KCNMA1: variants seen among roughly 807,000 people sequenced by gnomAD.
KCNMA1 encodes potassium calcium-activated channel subfamily M alpha 1.
In KCNMA1, 29 loss-of-function variants were observed where a neutral mutation model predicts 140.0. The observed-to-expected ratio is 0.21, with a 90% CI of 0.15 to 0.28. The LOEUF is 0.28. Among genes scored for constraint, KCNMA1 ranks in the 10% least tolerant of loss-of-function variants. The pLI, the probability that KCNMA1 is intolerant of heterozygous loss-of-function variation, is 1.00. For synonymous variants in KCNMA1, 612 were observed against 611.9 expected (o/e 1.00, Z 0.00); for missense variants, 880 against 1,602.2 (o/e 0.55, Z 7.70).
intron 23 of KCNMA1, among the ~76,000 whole-genome samples, chr10:76,935,050 G>C (rs2060199680): frequency 6.6e-6 from 1 of 152,200 alleles, no homozygotes. Context: ...CAGTCATACT[G>C]TTCACAGAGA....
chr10:77,622,891 G>A (rs937866962), intron 1 of KCNMA1, among the ~76,000 whole-genome samples: 1 of 152,182 alleles, frequency 6.6e-6, no homozygotes, highest in Non-Finnish European at 1.5e-5. Flanking sequence ...AGGAATCATT[G>A]CTGTTTTCTA....
intron 1 of KCNMA1, among the ~76,000 whole-genome samples, chr10:77,625,389 G>A (rs537876513): frequency 1.3e-5 from 2 of 151,838 alleles, no homozygotes; most frequent in Admixed American, 6.6e-5. Flanking sequence ...AAAAAAAAAA[G>A]TACCATCTCA....
rs994287094 is a variant in KCNMA1, at chr10:77,332,285, G to A, written c.540+71577C>T. On this transcript the variant is annotated intron_variant, in intron 2 of 27. Transcript: ENST00000286628. The stretch of plus-strand genomic sequence containing the variant: ...GTTGCTCTGAGTTAAGGAAACATTT[G>A]AGCAAAAAATCCATTTGTAAACAGA... Among the ~76,000 whole-genome samples the A allele has an allele frequency of 2.0e-5, 3 of 152,130 alleles. No homozygotes were observed. In the East Asian group the frequency reaches 5.8e-4, roughly 29 times the overall value.
chr10:77,313,563 G>A (rs1055821845), intron 2 of KCNMA1, among the ~76,000 whole-genome samples: 14 of 152,202 alleles, frequency 9.2e-5, no homozygotes, highest in Admixed American at 7.2e-4. Context: ...GATGTGTCAT[G>A]CATGGGACCT....
intron 2 of KCNMA1, among the ~76,000 whole-genome samples, chr10:77,286,251 C>T (rs2031098042): frequency 6.6e-6 from 1 of 151,960 alleles, no homozygotes; most frequent in African/African-American, 2.4e-5. Flanking sequence ...AAAAGAAAAC[C>T]CAGATCATTT....
rs534510544 is a variant in KCNMA1, at chr10:77,405,747, G to A, written c.379-1724C>T. Among the ~76,000 whole-genome samples, 12 of 152,322 alleles carry A rather than the reference G, an allele frequency of 7.9e-5. No individual in the cohort carries two copies. The East Asian group carries it at 2.3e-3, about 29-fold the overall frequency. ...TTAATTCCCAAGGCAAAGCCACACT[G>A]GGGATCATTGTGATTTGGAGTAAGG... On this transcript the variant is annotated intron_variant, in intron 1 of 27. Transcript: ENST00000286628.
chr10:77,561,564 A>G (rs2066407431), intron 1 of KCNMA1, among the ~76,000 whole-genome samples: 1 of 152,214 alleles, frequency 6.6e-6, no homozygotes, highest in Non-Finnish European at 1.5e-5. Context: ...TTTCTGGCGC[A>G]GAAGCAGAGA....
chr10:77,600,977 T>G (rs1567798581), intron 1 of KCNMA1, among the ~76,000 whole-genome samples: 6 of 152,176 alleles, frequency 3.9e-5, no homozygotes, highest in Non-Finnish European at 8.8e-5. Context: ...TAATGGGCAC[T>G]TAATGATTCT....
chr10:77,420,147 G>T (rs1476824642), intron 1 of KCNMA1, among the ~76,000 whole-genome samples: 1 of 152,194 alleles, frequency 6.6e-6, no homozygotes, highest in Non-Finnish European at 1.5e-5. Context: ...ACTGCTGAGG[G>T]TAACTCATGG....
chr10:76,937,553 C>T (rs1212994195), intron 23 of KCNMA1, among the ~76,000 whole-genome samples: 1 of 152,170 alleles, frequency 6.6e-6, no homozygotes, highest in Non-Finnish European at 1.5e-5. Context: ...GATTTCATCC[C>T]AGAGTTCCAC....
chr10:76,961,328 T>G (rs527997910), intron 20 of KCNMA1, among the ~76,000 whole-genome samples: 4 of 152,212 alleles, frequency 2.6e-5, no homozygotes, highest in African/African-American at 9.6e-5. Flanking sequence ...AAGTGGAGCC[T>G]GAACATGTGA....
chr10:77,083,005 C>T (rs1218326198), intron 12 of KCNMA1, among the ~76,000 whole-genome samples: 1 of 152,178 alleles, frequency 6.6e-6, no homozygotes, highest in African/African-American at 2.4e-5. Flanking sequence ...AAAGGCAATG[C>T]AAACATTGTC....
intron 19 of KCNMA1, among the ~76,000 whole-genome samples, chr10:76,992,799 T>C (rs575853136): frequency 6.6e-6 from 1 of 152,350 alleles, no homozygotes; most frequent in East Asian, 1.9e-4. Flanking sequence ...AAATTGTGCA[T>C]GATACTTAGA....
At chr10:77,101,176 A>G (rs2253072) in intron 9 of KCNMA1, among the ~76,000 whole-genome samples, 128,251 of 152,108 alleles carry the variant, frequency 0.84, 54,284 homozygotes, top group African/African-American at 0.91. Context: ...TCCCACGCCC[A>G]CCAAGACCCC....
intron 20 of KCNMA1, among the ~76,000 whole-genome samples, chr10:76,959,557 T>G (rs567537609): frequency 3.3e-5 from 5 of 152,208 alleles, no homozygotes; most frequent in Non-Finnish European, 7.3e-5. Context: ...CTAGAGCATG[T>G]CCTCAAGAAG....
intron 18 of KCNMA1, among the ~76,000 whole-genome samples, chr10:77,003,622 A>AT (rs1017176323): frequency 6.6e-6 from 1 of 152,142 alleles, no homozygotes; most frequent in East Asian, 1.9e-4. Context: ...TTGAAAAACA[A>AT]TTTTTTTAAT....
chr10:77,230,898 C>T (rs1336574340), intron 3 of KCNMA1, among the ~76,000 whole-genome samples: 3 of 152,080 alleles, frequency 2.0e-5, no homozygotes, highest in Non-Finnish European at 4.4e-5. Context: ...CAAGGGAAGT[C>T]CACTTGATTT....
At chr10:76,894,524 T>C (rs149740068) in intron 25 of KCNMA1, among the ~76,000 whole-genome samples, 4 of 152,172 alleles carry the variant, frequency 2.6e-5, no homozygotes, top group African/African-American at 9.6e-5. Flanking sequence ...AAGGACACTA[T>C]CCAAAAAGTG....
intron 1 of KCNMA1, among the ~76,000 whole-genome samples, chr10:77,560,400 G>A (rs115353217): frequency 1.9e-3 from 293 of 152,276 alleles, no homozygotes; most frequent in African/African-American, 6.7e-3. Flanking sequence ...TTCTTATTCT[G>A]GGTTTCAGGG....
Sources: gnomAD v4.1 joint callset for allele counts (sites outside exome capture counted in the v4.1 genomes callset) on GRCh38, gnomAD v4.1.1 for gene constraint, MANE v1.5 for transcripts, NCBI Gene and HGNC (gene_info 2026-07-23, HGNC 2026-07-21) for gene names.